Variants in SYTL5 observed in about 807,000 individuals in gnomAD.
SYTL5 encodes the protein synaptotagmin-like protein 5.
A neutral mutation model predicts 55.9 loss-of-function variants in SYTL5; 34 were observed. That is an observed-to-expected ratio of 0.61 (90% confidence interval 0.46 to 0.81). SYTL5 has a LOEUF of 0.81. SYTL5 is among the 30% of genes least tolerant of loss of function. SYTL5 has a pLI of 0.00. For synonymous variants in SYTL5, 221 were observed against 188.7 expected (o/e 1.17, Z -1.40); for missense variants, 637 against 546.7 (o/e 1.17, Z -1.65).
At chrX:38,071,740 G>T (rs186253624) in intron 3 of SYTL5, among the ~76,000 whole-genome samples, 97 of 111,798 alleles carry the variant, frequency 8.7e-4, no homozygotes, top group African/African-American at 2.8e-3. Flanking sequence ...TACCAGCTGT[G>T]TGATATGAGG....
At chrX:38,074,905 AAC>A (rs72169928) in intron 5 of SYTL5, among the ~76,000 whole-genome samples, 30,380 of 102,106 alleles carry the variant, frequency 0.3, 3,856 homozygotes, top group African/African-American at 0.4. Flanking sequence ...ACACCCCCTC[AAC>A]ACACACACAC....
chrX:38,089,489 C>A lies in SYTL5; in HGVS notation c.733C>A (p.Pro245Thr), dbSNP rs188213034. Residue 245 changes from proline to threonine, a missense_variant, in exon 7 of 17, where the codon CCT (proline) becomes ACT (threonine). By Grantham distance (38) the Pro-to-Thr change is conservative (BLOSUM62 -1). Coordinates refer to ENST00000297875, the MANE Select transcript of SYTL5 (RefSeq NM_138780.3). ...AGATCTCAATGACCAGGAACCTGGT[C>A]CTAGGACCCCGAAGAGCAGTCGGAG... Reference protein sequence around the residue: ...SSDLNDQEPGPRTPKSSRSNG... With the variant: ...SSDLNDQEPGTRTPKSSRSNG... The A allele has an allele frequency of 2.5e-6, 3 of 1,210,255 alleles. No individual in the cohort carries two copies. The South Asian group carries it at 5.3e-5, about 21-fold the overall frequency.
chrX:37,992,788 T>C, the SYTL5 span, among the ~76,000 whole-genome samples: 1 of 112,164 alleles, frequency 8.9e-6, no homozygotes, highest in Non-Finnish European at 1.9e-5. Flanking sequence ...GAATATTTAA[T>C]TTATGTAAGC....
At chrX:38,001,399 C>A in the SYTL5 span, among the ~76,000 whole-genome samples, 6 of 111,595 alleles carry the variant, frequency 5.4e-5, no homozygotes, top group African/African-American at 1.6e-4. Flanking sequence ...CTTATTTATT[C>A]TTTCTATTTT....
chrX:38,075,175 A>C (rs1262832188), intron 5 of SYTL5, among the ~76,000 whole-genome samples: 1 of 111,484 alleles, frequency 9.0e-6, no homozygotes, highest in Non-Finnish European at 1.9e-5. Context: ...TCACCATCAC[A>C]ATCAATTATG....
At chrX:37,920,454 C>T in the SYTL5 span, among the ~76,000 whole-genome samples, 1 of 110,332 alleles carries the variant, frequency 9.1e-6, no homozygotes, top group East Asian at 2.9e-4. Flanking sequence ...CTCCTCCAGC[C>T]AATTGGTAGA....
At chrX:38,000,302 G>A in the SYTL5 span, among the ~76,000 whole-genome samples, 5 of 112,256 alleles carry the variant, frequency 4.5e-5, no homozygotes, top group East Asian at 1.4e-3. Flanking sequence ...CTTAAATGTG[G>A]TTATGGGGTG....
At chrX:37,981,314 T>C in the SYTL5 span, among the ~76,000 whole-genome samples, 1 of 111,558 alleles carries the variant, frequency 9.0e-6, no homozygotes, top group Admixed American at 9.5e-5. Context: ...TTTATTTTTG[T>C]TTTATTTTTG....
At chrX:37,966,666 G>A in the SYTL5 span, among the ~76,000 whole-genome samples, 1 of 110,715 alleles carries the variant, frequency 9.0e-6, no homozygotes, top group Non-Finnish European at 1.9e-5. Context: ...TCGAACTCCT[G>A]ACCTTGTGAT....
At chrX:38,107,892 G>T (rs1476865453) in intron 11 of SYTL5, among the ~76,000 whole-genome samples, 1 of 112,076 alleles carries the variant, frequency 8.9e-6, no homozygotes, top group Non-Finnish European at 1.9e-5. Context: ...CAGATATTCT[G>T]TAGAACTTTG....
the SYTL5 span, among the ~76,000 whole-genome samples, chrX:37,934,932 C>G: frequency 1.8e-5 from 2 of 111,689 alleles, no homozygotes; most frequent in African/African-American, 6.5e-5. Context: ...CAGCGCCTGG[C>G]CGAATGCTTC....
intron 13 of SYTL5, among the ~76,000 whole-genome samples, chrX:38,112,891 C>T (rs772117158): frequency 1.9e-4 from 21 of 111,919 alleles, no homozygotes; most frequent in South Asian, 7.6e-4. Context: ...ATTATGCAGT[C>T]GAGAAGGTGA....
chrX:37,904,275 G>A, the SYTL5 span, among the ~76,000 whole-genome samples: 1 of 103,666 alleles, frequency 9.6e-6, no homozygotes, highest in Non-Finnish European at 2.0e-5. Context: ...CGGGGGGGGG[G>A]GTGATATTTC....
chrX:38,043,657 G>GTGTGTATA (rs1569165878), intron 2 of SYTL5, among the ~76,000 whole-genome samples: 1 of 39,387 alleles, frequency 2.5e-5, no homozygotes, highest in Non-Finnish European at 4.0e-5. Flanking sequence ...ATGTATGTAT[G>GTGTGTATA]TATGTATATA....
chrX:38,107,978 G>A (rs1370074440), intron 11 of SYTL5, among the ~76,000 whole-genome samples: 2 of 112,231 alleles, frequency 1.8e-5, no homozygotes, highest in East Asian at 5.6e-4. Context: ...GCTTCAAGAG[G>A]CTCCTGAGAT....
chrX:38,104,099 C>T (rs1490636520), intron 10 of SYTL5, among the ~76,000 whole-genome samples: 2 of 112,239 alleles, frequency 1.8e-5, no homozygotes, highest in Non-Finnish European at 3.8e-5. Flanking sequence ...TTATGCAATA[C>T]TTGCTTTTTG....
chrX:37,986,158 G>A, the SYTL5 span, among the ~76,000 whole-genome samples: 23 of 110,588 alleles, frequency 2.1e-4, no homozygotes, highest in African/African-American at 6.6e-4. Context: ...TAGATAAATC[G>A]CACTTTATTT....
chrX:37,951,981 C>A, the SYTL5 span, among the ~76,000 whole-genome samples: 2 of 110,836 alleles, frequency 1.8e-5, no homozygotes, highest in Non-Finnish European at 3.8e-5. Flanking sequence ...GGGTTTGAAT[C>A]AGAGCAGTGG....
intron 1 of SYTL5, among the ~76,000 whole-genome samples, chrX:38,030,233 G>T (rs753375541): frequency 2.7e-5 from 3 of 111,568 alleles, no homozygotes; most frequent in Admixed American, 9.6e-5. Context: ...ACACAACAAA[G>T]TTCTCTCATA....
Sources: allele counts gnomAD v4.1 joint callset (sites outside exome capture counted in the v4.1 genomes callset), GRCh38; gene constraint gnomAD v4.1.1; transcripts MANE v1.5; gene names NCBI Gene and HGNC (gene_info 2026-07-23, HGNC 2026-07-21).